The following AFG2A variants were observed in gnomAD, a reference collection of about 807,000 sequenced individuals.
AFG2A encodes the protein ATPase family gene 2 protein homolog A.
chr4:122,966,580 C>T, the AFG2A span, among the ~76,000 whole-genome samples: 1 of 152,162 alleles, frequency 6.6e-6, no homozygotes. Context: ...AACATCGATT[C>T]ACTTTTCAGG....
the AFG2A span, among the ~76,000 whole-genome samples, chr4:122,943,321 G>A: frequency 2.0e-5 from 3 of 152,180 alleles, no homozygotes; most frequent in Non-Finnish European, 4.4e-5. Flanking sequence ...GGGTGCTCCT[G>A]TTTTGGGTGC....
the AFG2A span, among the ~76,000 whole-genome samples, chr4:123,124,643 C>A: frequency 4.0e-5 from 6 of 151,312 alleles, no homozygotes; most frequent in African/African-American, 1.5e-4. Context: ...ATTAAAAAAA[C>A]AACAACAAAA....
the AFG2A span, among the ~76,000 whole-genome samples, chr4:123,025,956 T>A: frequency 2.0e-5 from 3 of 152,208 alleles, no homozygotes; most frequent in Admixed American, 2.0e-4. Context: ...TTCAAGTATT[T>A]TATACTTGGC....
chr4:123,113,688 TG>T, the AFG2A span, among the ~76,000 whole-genome samples: 1 of 152,316 alleles, frequency 6.6e-6, no homozygotes, highest in South Asian at 2.1e-4. Flanking sequence ...GATTTTGTTA[TG>T]GGATCTTTGG....
At chr4:123,122,772 TG>T in the AFG2A span, among the ~76,000 whole-genome samples, 5 of 150,208 alleles carry the variant, frequency 3.3e-5, no homozygotes, top group Admixed American at 1.3e-4. Context: ...CCATGTCATC[TG>T]TTTTTTTGTT....
the AFG2A span, among the ~76,000 whole-genome samples, chr4:123,078,075 G>A: frequency 2.0e-5 from 3 of 152,160 alleles, no homozygotes; most frequent in South Asian, 4.1e-4. Flanking sequence ...TAAAAGCAGG[G>A]AACATTCTAG....
chr4:123,125,298 A>G, the AFG2A span, among the ~76,000 whole-genome samples: 1 of 152,194 alleles, frequency 6.6e-6, no homozygotes, highest in Non-Finnish European at 1.5e-5. Flanking sequence ...CAGGGCTTCC[A>G]GATGAGCTTG....
chr4:123,093,973 C>T, the AFG2A span, among the ~76,000 whole-genome samples: 6 of 152,162 alleles, frequency 3.9e-5, no homozygotes, highest in South Asian at 8.3e-4. Context: ...GAAATAATAG[C>T]TTTAAGTCTT....
the AFG2A span, among the ~76,000 whole-genome samples, chr4:123,105,965 AGAAGTTCTACTGTGGTT>A: frequency 6.6e-6 from 1 of 152,348 alleles, no homozygotes; most frequent in East Asian, 1.9e-4. Flanking sequence ...CATCTTTAAA[AGAAGTTCTACTGTGGTT>A]TACCCTATCA....
chr4:123,303,491 C>T, the AFG2A span, among the ~76,000 whole-genome samples: 1 of 152,156 alleles, frequency 6.6e-6, no homozygotes, highest in African/African-American at 2.4e-5. Context: ...TAAGGCCGGG[C>T]ATGGTGGCTC....
At chr4:123,261,264 ATCTC>A in the AFG2A span, among the ~76,000 whole-genome samples, 3 of 152,160 alleles carry the variant, frequency 2.0e-5, no homozygotes, top group Admixed American at 6.5e-5. Context: ...CTTCTTTGCT[ATCTC>A]TCTATTCTTC....
the AFG2A span, among the ~76,000 whole-genome samples, chr4:122,957,434 A>G: frequency 1.9e-3 from 295 of 152,376 alleles, 1 homozygote; most frequent in African/African-American, 6.9e-3. Context: ...TTGGGAAACT[A>G]TAAGCATTTG....
chr4:123,164,152 C>T, the AFG2A span, among the ~76,000 whole-genome samples: 1 of 152,170 alleles, frequency 6.6e-6, no homozygotes, highest in Non-Finnish European at 1.5e-5. Context: ...CTTCAAGTCA[C>T]CCCAAGATCT....
the AFG2A span, among the ~76,000 whole-genome samples, chr4:123,099,568 G>A: frequency 0.91 from 137,686 of 151,600 alleles, 62,750 homozygotes; most frequent in East Asian, 0.98. Context: ...TGTTTAACAC[G>A]TACGTTTTCT....
the AFG2A span, among the ~76,000 whole-genome samples, chr4:123,003,601 C>T: frequency 2.6e-5 from 4 of 152,274 alleles, no homozygotes; most frequent in East Asian, 3.9e-4. Context: ...GTATCAGCAG[C>T]GCTGTCTGCA....
At chr4:123,279,466 G>A in the AFG2A span, among the ~76,000 whole-genome samples, 1 of 151,884 alleles carries the variant, frequency 6.6e-6, no homozygotes, top group Admixed American at 6.6e-5. Flanking sequence ...ATACATACAA[G>A]TTGGAAGTAT....
At chr4:123,156,359 A>T in the AFG2A span, among the ~76,000 whole-genome samples, 2 of 152,206 alleles carry the variant, frequency 1.3e-5, no homozygotes, top group Admixed American at 6.5e-5. Context: ...TACGTACGTA[A>T]CCCTTCAAGG....
At chr4:123,214,720 CAGCCTTA>C in the AFG2A span, among the ~76,000 whole-genome samples, 2 of 151,982 alleles carry the variant, frequency 1.3e-5, no homozygotes, top group African/African-American at 4.8e-5. Context: ...AAACACTACT[CAGCCTTA>C]AGACGATAAG....
the AFG2A span, among the ~76,000 whole-genome samples, chr4:122,924,040 T>A: frequency 1.6e-3 from 242 of 152,344 alleles, no homozygotes; most frequent in African/African-American, 5.2e-3. Context: ...TGATGTGTAA[T>A]AGCTTTGAAA....
Sources: allele counts gnomAD v4.1 joint callset (sites outside exome capture counted in the v4.1 genomes callset), GRCh38; gene constraint gnomAD v4.1.1; transcripts MANE v1.5; gene names NCBI Gene and HGNC (gene_info 2026-07-23, HGNC 2026-07-21).